The following GRID1 variants were observed in gnomAD, a reference collection of about 807,000 sequenced individuals.
GRID1 encodes the protein glutamate ionotropic receptor delta type subunit 1.
GRID1 carries 28 observed loss-of-function variants against 98.0 expected under a neutral mutation model. That is an observed-to-expected ratio of 0.29 (90% CI 0.21 to 0.39). The LOEUF (loss-of-function observed/expected upper bound fraction) is 0.39. Ranked by LOEUF, GRID1 falls within the 10% of genes least tolerant of loss-of-function variation. The pLI is 1.00. For synonymous variants in GRID1, 553 were observed against 538.5 expected, an observed-to-expected ratio of 1.03 and a Z score of -0.37; for missense variants, 1,111 against 1,340.5, an observed-to-expected ratio of 0.83 and a Z score of 2.67.
At chr10:86,160,396 T>C (rs549530655) in intron 3 of GRID1, among the ~76,000 whole-genome samples, 1 of 152,284 alleles carries the variant, frequency 6.6e-6, no homozygotes, top group South Asian at 2.1e-4. Context: ...CTAGCTAGCA[T>C]CGCCACTCTG....
chr10:85,704,728 G>A lies in GRID1; in HGVS notation c.1997+18275C>T, dbSNP rs574882019. On this transcript the variant is annotated intron_variant, in intron 12 of 15. Coordinates refer to ENST00000327946, the MANE Select transcript of GRID1 (RefSeq NM_017551.3). ...GACCACATAGTTGGAAGTAAGGCAC[G>A]CCTCAGCAAATGTAAAAGAACAGAA... 1.6e-3 allele frequency among the ~76,000 whole-genome samples: 247 copies of A among 152,122 alleles called. 1 individual carries two copies. The highest frequency in any genetic ancestry group is 5.7e-3 in the African/African-American group (238 of 41,520).
chr10:85,909,611 A>G (rs1841508996), intron 5 of GRID1, among the ~76,000 whole-genome samples: 2 of 152,254 alleles, frequency 1.3e-5, no homozygotes, highest in Admixed American at 1.3e-4. Context: ...CATAAGATGA[A>G]TCTCAAAATA....
At chr10:85,662,123 T>C (rs1054356797) in intron 12 of GRID1, among the ~76,000 whole-genome samples, 1 of 152,194 alleles carries the variant, frequency 6.6e-6, no homozygotes, top group African/African-American at 2.4e-5. Flanking sequence ...ATCTTTGCAC[T>C]GAAATCCCAA....
chr10:86,158,761 A>G (rs1265501147), intron 3 of GRID1, among the ~76,000 whole-genome samples: 2 of 152,174 alleles, frequency 1.3e-5, no homozygotes, highest in African/African-American at 4.8e-5. Flanking sequence ...ACACTATCCA[A>G]TGTGGCAGCC....
chr10:85,797,414 T>A (rs926966046), intron 8 of GRID1, among the ~76,000 whole-genome samples: 1 of 151,836 alleles, frequency 6.6e-6, no homozygotes, highest in Non-Finnish European at 1.5e-5. Context: ...TTTCTGTACT[T>A]ATTTTTATTT....
chr10:85,946,867 G>C (rs974296848), intron 4 of GRID1, among the ~76,000 whole-genome samples: 1 of 152,148 alleles, frequency 6.6e-6, no homozygotes, highest in African/African-American at 2.4e-5. Flanking sequence ...TGAGAGTCAG[G>C]GACAGGCCAA....
At chr10:85,842,639 T>G (rs1317829906) in intron 8 of GRID1, among the ~76,000 whole-genome samples, 1 of 152,072 alleles carries the variant, frequency 6.6e-6, no homozygotes, top group Non-Finnish European at 1.5e-5. Flanking sequence ...CTCATAAATT[T>G]GACAAGTTAG....
chr10:85,802,838 A>AACACACACACACACAC (rs59101010), intron 8 of GRID1, among the ~76,000 whole-genome samples: 3 of 120,878 alleles, frequency 2.5e-5, no homozygotes, highest in African/African-American at 6.3e-5. Flanking sequence ...AAGCAGAATA[A>AACACACACACACACAC]ACACACACAC....
intron 2 of GRID1, among the ~76,000 whole-genome samples, chr10:86,288,713 T>C (rs1847469424): frequency 1.3e-5 from 2 of 152,186 alleles, no homozygotes; most frequent in African/African-American, 4.8e-5. Flanking sequence ...GCGGCAGCAC[T>C]CAAATTGCCA....
intron 4 of GRID1, among the ~76,000 whole-genome samples, chr10:86,037,274 G>A (rs1015226586): frequency 1.3e-5 from 2 of 152,296 alleles, no homozygotes; most frequent in South Asian, 4.1e-4. Flanking sequence ...GTTACTTGAG[G>A]TGGTATGAAA....
intron 4 of GRID1, among the ~76,000 whole-genome samples, chr10:85,983,377 T>TCCACTGC: frequency 6.6e-6 from 1 of 152,154 alleles, no homozygotes; most frequent in Admixed American, 6.5e-5. Flanking sequence ...ATGCTACGTG[T>TCCACTGC]CCACTGCCCA....
At chr10:85,929,869 C>A (rs940479252) in intron 4 of GRID1, among the ~76,000 whole-genome samples, 2 of 152,160 alleles carry the variant, frequency 1.3e-5, no homozygotes, top group African/African-American at 4.8e-5. Context: ...CTTGGTTGAT[C>A]AACTTTAGCA....
chr10:85,941,746 T>C (rs2131838704), intron 4 of GRID1, among the ~76,000 whole-genome samples: 2 of 152,330 alleles, frequency 1.3e-5, no homozygotes, highest in South Asian at 4.1e-4. Flanking sequence ...TCAGGAGGTG[T>C]GCAAAAGAGG....
chr10:86,285,993 G>T (rs371353464), intron 2 of GRID1, among the ~76,000 whole-genome samples: 1 of 152,108 alleles, frequency 6.6e-6, no homozygotes, highest in African/African-American at 2.4e-5. Flanking sequence ...TCTAGAAATT[G>T]GTATAAGTAT....
At chr10:86,062,630 A>T (rs1476324213) in intron 4 of GRID1, among the ~76,000 whole-genome samples, 1 of 152,162 alleles carries the variant, frequency 6.6e-6, no homozygotes, top group Non-Finnish European at 1.5e-5. Context: ...TACCTGGTGG[A>T]GTCCCCACCA....
intron 3 of GRID1, among the ~76,000 whole-genome samples, chr10:86,159,713 G>T (rs974813646): frequency 5.9e-5 from 9 of 152,270 alleles, no homozygotes; most frequent in Admixed American, 5.2e-4. Context: ...GAGGCAGGGG[G>T]CACAGGGCTA....
chr10:85,868,897 G>C lies in GRID1; in HGVS notation c.951+113C>G, dbSNP rs563568286. 139 of 820,246 alleles carry C rather than the reference G, an allele frequency of 1.7e-4. No homozygotes were observed. In the South Asian group the frequency reaches 2.2e-3, roughly 13 times the overall value. The allele number at this position is 820,246 out of a possible 1,614,324, so 50.8% of individuals were successfully genotyped here. ...GGTTTCAATTTCAACAAATGACAGA[G>C]CTCTAGTAATTGAAGTTGGTGGCAA... On this transcript the variant is annotated intron_variant, in intron 6 of 15. Coordinates refer to ENST00000327946, the MANE Select transcript of GRID1 (RefSeq NM_017551.3).
intron 12 of GRID1, among the ~76,000 whole-genome samples, chr10:85,673,448 T>C (rs868028256): frequency 6.6e-6 from 1 of 152,326 alleles, no homozygotes; most frequent in Middle Eastern, 3.4e-3. Context: ...AATTCTTTCA[T>C]GAAAAGAAGA....
chr10:86,115,792 G>A (rs1287213634), intron 4 of GRID1, among the ~76,000 whole-genome samples: 1 of 152,184 alleles, frequency 6.6e-6, no homozygotes, highest in Non-Finnish European at 1.5e-5. Flanking sequence ...TCTATTACCT[G>A]GGAGGCCAAA....
Sources: gnomAD v4.1 joint callset for allele counts (sites outside exome capture counted in the v4.1 genomes callset) on GRCh38, gnomAD v4.1.1 for gene constraint, MANE v1.5 for transcripts, NCBI Gene and HGNC (gene_info 2026-07-23, HGNC 2026-07-21) for gene names.